Variants in FGGY observed in about 807,000 individuals in gnomAD.
FGGY encodes FGGY carbohydrate kinase domain containing, also known as FGGY carbohydrate kinase domain-containing protein.
In FGGY, 72 loss-of-function variants were observed where a neutral mutation model predicts 71.3. That is an observed-to-expected ratio of 1.01 (90% CI 0.84 to 1.23). The LOEUF (loss-of-function observed/expected upper bound fraction) is 1.23. Among genes scored for constraint, FGGY ranks in the 50% most tolerant of loss-of-function variants. FGGY has a pLI of 0.00. For synonymous variants in FGGY, 251 were observed against 250.3 expected, an observed-to-expected ratio of 1.00 and a Z score of -0.02; for missense variants, 668 against 682.3, an observed-to-expected ratio of 0.98 and a Z score of 0.23.
At chr1:59,532,854 CA>C (rs2095189377) in intron 7 of FGGY, among the ~76,000 whole-genome samples, 1 of 152,054 alleles carries the variant, frequency 6.6e-6, no homozygotes, top group Non-Finnish European at 1.5e-5. Context: ...CAATTATACA[CA>C]TATAGAATGT....
chr1:59,633,373 G>GTC (rs1483193100), intron 10 of FGGY, among the ~76,000 whole-genome samples: 2 of 152,148 alleles, frequency 1.3e-5, no homozygotes, highest in Non-Finnish European at 2.9e-5. Context: ...GGGCATTGGG[G>GTC]TCTTCTCTAG....
At chr1:59,697,676 C>T (rs192676343) in intron 14 of FGGY, 622 of 1,303,622 alleles carry the variant, frequency 4.8e-4, no homozygotes, top group Non-Finnish European at 5.3e-4. Flanking sequence ...CAGTTGTGGA[C>T]GATAGCAGCA....
chr1:59,687,720 G>A (rs890764241), intron 14 of FGGY, among the ~76,000 whole-genome samples: 4 of 151,428 alleles, frequency 2.6e-5, no homozygotes, highest in South Asian at 2.1e-4. Flanking sequence ...CACCCACCTC[G>A]GCCTCCTAAA....
At chr1:59,709,486 A>G (rs143364751) in intron 14 of FGGY, among the ~76,000 whole-genome samples, 1 of 151,890 alleles carries the variant, frequency 6.6e-6, no homozygotes, top group Non-Finnish European at 1.5e-5. Flanking sequence ...ACACACACAC[A>G]CACACACACA....
chr1:59,374,733 T>A (rs140054788), intron 4 of FGGY, among the ~76,000 whole-genome samples: 4,438 of 150,774 alleles, frequency 0.029, 237 homozygotes, highest in African/African-American at 0.1. Context: ...CATAAAAATG[T>A]TGAGTTCACA....
intron 11 of FGGY, among the ~76,000 whole-genome samples, chr1:59,658,376 C>T (rs929542969): frequency 3.3e-5 from 5 of 152,162 alleles, no homozygotes; most frequent in Non-Finnish European, 7.4e-5. Context: ...GAGTTCTTCT[C>T]GTGTCTCTCA....
rs1029511762 is a variant in FGGY, at chr1:59,757,985, G to A, written c.1567G>A (p.Asp523Asn). 5.6e-6 allele frequency: 9 copies of A among 1,612,108 alleles called. No homozygotes were observed. The highest frequency in any genetic ancestry group is 7.6e-6 in the Non-Finnish European group (9 of 1,178,720). Residue 523 changes from aspartate to asparagine, a missense_variant, in exon 15 of 16, where the codon GAT becomes AAT. Coordinates refer to ENST00000303721, the MANE Select transcript of FGGY (RefSeq NM_018291.5). ...GAAAGTTGTGTTCCCGAGACTACAG[G>A]ATAAAAAGTAAGTGTGTATTTTTTA... ...VGKVVFPRLQ[D>N]KKYYDKKYQV...
At chr1:59,719,308 G>A (rs1010930415) in intron 14 of FGGY, among the ~76,000 whole-genome samples, 1 of 152,120 alleles carries the variant, frequency 6.6e-6, no homozygotes, top group East Asian at 1.9e-4. Flanking sequence ...CAGCAGTTAA[G>A]AGCATGGCCT....
intron 14 of FGGY, among the ~76,000 whole-genome samples, chr1:59,676,950 G>A (rs764593228): frequency 4.6e-5 from 7 of 152,026 alleles, no homozygotes; most frequent in Non-Finnish European, 1.0e-4. Context: ...TTATTTGTCT[G>A]TTTTATGTAT....
At chr1:59,522,465 A>C (rs2094861067) in intron 7 of FGGY, among the ~76,000 whole-genome samples, 1 of 152,202 alleles carries the variant, frequency 6.6e-6, no homozygotes, top group African/African-American at 2.4e-5. Context: ...TATTTAAAGC[A>C]GCACAGGAGT....
chr1:59,386,384 G>T (rs1054197431), intron 5 of FGGY, among the ~76,000 whole-genome samples: 4 of 152,096 alleles, frequency 2.6e-5, no homozygotes, highest in Admixed American at 6.6e-5. Flanking sequence ...TGAGACTTGG[G>T]TAGTTTGTTT....
rs1402844000 is a variant in FGGY, at chr1:59,583,906, C to G, written c.904-23897C>G. 5.0e-5 allele frequency among the ~76,000 whole-genome samples: 6 copies of G among 118,956 alleles called. 1 individual carries two copies. The highest frequency in any genetic ancestry group is 2.0e-4 in the African/African-American group (6 of 30,010). The allele number at this position is 118,956 out of a possible 152,430, so 78.0% of individuals were successfully genotyped here. A position where few individuals can be genotyped will look rare whatever the true frequency, so the allele number is the denominator to read the frequency against. Reference sequence around the variant, plus strand: ...CAGGGTGGAAGCAGGTCTGATGCAGCTGACAGCTAACCACTGCTGCTCGGA... The same window carrying G: ...CAGGGTGGAAGCAGGTCTGATGCAGGTGACAGCTAACCACTGCTGCTCGGA... On this transcript the variant is annotated intron_variant, in intron 8 of 15. Coordinates refer to ENST00000303721, the MANE Select transcript of FGGY (RefSeq NM_018291.5).
intron 7 of FGGY, among the ~76,000 whole-genome samples, chr1:59,551,379 C>G (rs1455709860): frequency 6.6e-6 from 1 of 152,082 alleles, no homozygotes; most frequent in East Asian, 1.9e-4. Context: ...CATTTTAATT[C>G]CCTTTTCGTA....
intron 5 of FGGY, among the ~76,000 whole-genome samples, chr1:59,452,005 T>C (rs181894678): frequency 2.0e-4 from 31 of 152,254 alleles, no homozygotes; most frequent in African/African-American, 7.2e-4. Flanking sequence ...GGCTTAAATC[T>C]TACTTCAGTT....
chr1:59,591,472 G>A (rs999629083), intron 8 of FGGY, among the ~76,000 whole-genome samples: 27 of 151,514 alleles, frequency 1.8e-4, no homozygotes, highest in Non-Finnish European at 2.8e-4. Context: ...AAAAGAGCCC[G>A]CATCGCCAAG....
intron 2 of FGGY, among the ~76,000 whole-genome samples, chr1:59,338,802 A>G (rs1352121533): frequency 2.2e-4 from 33 of 152,166 alleles, no homozygotes; most frequent in Non-Finnish European, 1.6e-4. Context: ...ATATAACTTT[A>G]CTTACTTTTG....
intron 8 of FGGY, among the ~76,000 whole-genome samples, chr1:59,563,481 A>G (rs2153722500): frequency 1.3e-5 from 2 of 152,156 alleles, no homozygotes; most frequent in East Asian, 1.9e-4. Context: ...TACAACTTAC[A>G]GGGGATATGA....
At chr1:59,364,343 C>A (rs142755492) in intron 4 of FGGY, among the ~76,000 whole-genome samples, 400 of 152,352 alleles carry the variant, frequency 2.6e-3, no homozygotes, top group Non-Finnish European at 3.8e-3. Context: ...ATCTTCCTGG[C>A]AGTCTGGCTT....
At chr1:59,486,604 G>A (rs1430242329) in intron 6 of FGGY, among the ~76,000 whole-genome samples, 3 of 152,114 alleles carry the variant, frequency 2.0e-5, no homozygotes, top group Non-Finnish European at 4.4e-5. Context: ...CCTGTCTTGG[G>A]TCCTACACAC....
Sources: gnomAD v4.1 joint callset for allele counts (sites outside exome capture counted in the v4.1 genomes callset) on GRCh38, gnomAD v4.1.1 for gene constraint, MANE v1.5 for transcripts, NCBI Gene and HGNC (gene_info 2026-07-23, HGNC 2026-07-21) for gene names.